The following UBAP2 variants were observed in gnomAD, a reference collection of about 807,000 sequenced individuals.
UBAP2 encodes the protein ubiquitin associated protein 2.
In UBAP2, 75 loss-of-function variants were observed where a neutral mutation model predicts 139.6. The observed-to-expected ratio is 0.54, with a 90% CI of 0.45 to 0.65. UBAP2 has a LOEUF of 0.65. Among genes scored for constraint, UBAP2 ranks in the 30% least tolerant of loss-of-function variants. UBAP2 has a pLI of 0.00. For synonymous variants in UBAP2, 526 were observed against 526.2 expected (o/e 1.00, Z 0.01); for missense variants, 1,368 against 1,369.6 (o/e 1.00, Z 0.02).
At chr9:33,977,193 C>T (rs1259207144) in intron 6 of UBAP2, among the ~76,000 whole-genome samples, 1 of 151,412 alleles carries the variant, frequency 6.6e-6, no homozygotes, top group Non-Finnish European at 1.5e-5. Flanking sequence ...TGCCTGCCAC[C>T]ACGCCTGGCT....
intron 8 of UBAP2, chr9:33,968,667 C>G (rs917541686): frequency 1.1e-5 from 3 of 271,296 alleles, no homozygotes; most frequent in Non-Finnish European, 2.2e-5. Flanking sequence ...ATGGATAATA[C>G]TAATTTCTAT....
chr9:34,021,858 T>G (rs1428340805), intron 1 of UBAP2, among the ~76,000 whole-genome samples: 1 of 152,116 alleles, frequency 6.6e-6, no homozygotes, highest in Non-Finnish European at 1.5e-5. Context: ...GGTTTCGAAC[T>G]CCAGACCTCG....
chr9:33,971,031 G>T (rs1440859975), intron 8 of UBAP2, among the ~76,000 whole-genome samples: 1 of 152,126 alleles, frequency 6.6e-6, no homozygotes, highest in Non-Finnish European at 1.5e-5. Flanking sequence ...TCGAACTCCT[G>T]ACCTCAAGTG....
intron 1 of UBAP2, among the ~76,000 whole-genome samples, chr9:34,021,184 G>C (rs1384500220): frequency 1.3e-5 from 2 of 152,114 alleles, no homozygotes; most frequent in Non-Finnish European, 2.9e-5. Context: ...ACCTATTTTA[G>C]CCAGAAAAGG....
chr9:34,022,182 T>C (rs1403662922), intron 1 of UBAP2, among the ~76,000 whole-genome samples: 1 of 148,534 alleles, frequency 6.7e-6, no homozygotes, highest in African/African-American at 2.5e-5. Flanking sequence ...GAGGAGGAGG[T>C]TGCAGTGAGC....
chr9:34,047,481 CAA>C (rs35056876), intron 1 of UBAP2, among the ~76,000 whole-genome samples: 19,294 of 152,102 alleles, frequency 0.13, 1,545 homozygotes, highest in African/African-American at 0.22. Flanking sequence ...GTATCATGTT[CAA>C]CTTCCTTCCA....
intron 22 of UBAP2, 112 bp from the exon 23 acceptor site, chr9:33,924,396 T>TG: frequency 2.8e-6 from 3 of 1,056,450 alleles, no homozygotes; most frequent in Non-Finnish European, 4.3e-6. Context: ...ACTCCATGCC[T>TG]GAGAGCCAGC....
At chr9:33,999,893 T>C (rs1025580864) in intron 2 of UBAP2, among the ~76,000 whole-genome samples, 8 of 75,108 alleles carry the variant, frequency 1.1e-4, no homozygotes, top group African/African-American at 3.0e-4. Context: ...TATGTATGTA[T>C]GTATGTATGT....
At chr9:33,927,108 T>C (rs1487269776) in intron 20 of UBAP2, 28 bp from the exon 21 acceptor site, 1 of 1,558,406 alleles carries the variant, frequency 6.4e-7, no homozygotes, top group Admixed American at 1.7e-5. Context: ...TCAAATGGAG[T>C]GAAATGGTCA....
intron 6 of UBAP2, among the ~76,000 whole-genome samples, chr9:33,974,134 G>A (rs1184368835): frequency 1.3e-5 from 2 of 152,148 alleles, no homozygotes; most frequent in African/African-American, 4.8e-5. Flanking sequence ...AGGTTGCAGT[G>A]AGGTATGATC....
chr9:33,995,617 T>TTATAAATAAA (rs1035753616), intron 4 of UBAP2: 5 of 141,226 alleles, frequency 3.5e-5, no homozygotes, highest in African/African-American at 1.3e-4. Flanking sequence ...AAATATATAT[T>TTATAAATAAA]TATAAATAAA....
chr9:33,994,628 A>G (rs1441724969), intron 4 of UBAP2: 1 of 152,014 alleles, frequency 6.6e-6, no homozygotes, highest in African/African-American at 2.4e-5. Flanking sequence ...GTAAACAAAA[A>G]CTATTCAAAA....
chr9:34,040,159 CA>C (rs113799738), intron 1 of UBAP2, among the ~76,000 whole-genome samples: 461 of 123,140 alleles, frequency 3.7e-3, no homozygotes, highest in Middle Eastern at 8.4e-3. Flanking sequence ...GACTCCGTCT[CA>C]AAAAAAAAAA....
intron 2 of UBAP2, among the ~76,000 whole-genome samples, chr9:34,000,799 G>C (rs1042880681): frequency 6.6e-6 from 1 of 152,172 alleles, no homozygotes; most frequent in African/African-American, 2.4e-5. Context: ...CAGGCCATGT[G>C]GGTGGGTGAT....
At position 33,923,807 on chromosome 9, in the gene UBAP2, G is replaced by T; in HGVS notation, c.2784C>A (p.Gly928=). 6.2e-7 allele frequency: 1 copy of T among 1,614,156 alleles called. No homozygotes were observed. ...YTGMPSAFQY[G]PTMFVPPASA... ...CTGAAATACTCACAAACATGGTGGGGCCATACTGGAAGGCACTGGGCATGC... is the reference window on the plus strand; with the variant it reads ...CTGAAATACTCACAAACATGGTGGGTCCATACTGGAAGGCACTGGGCATGC... Residue 928 remains glycine (G), a synonymous_variant, in exon 24 of 29, where the codon GGC becomes GGA. Coordinates refer to ENST00000379238, the MANE Select transcript of UBAP2 (RefSeq NM_001370062.2).
At chr9:33,978,425 T>C (rs982983650) in intron 6 of UBAP2, among the ~76,000 whole-genome samples, 1 of 152,118 alleles carries the variant, frequency 6.6e-6, no homozygotes, top group Admixed American at 6.6e-5. Context: ...GTGCTCAAAA[T>C]TACTTTGCAC....
In UBAP2 at chr9:33,971,647, T is replaced by C. The variant is rs1315564645; in HGVS notation, c.679+4A>G. 6.4e-7 allele frequency: 1 copy of C among 1,570,110 alleles called. No homozygotes were observed. Among genetic ancestry groups the C allele is most frequent in the Non-Finnish European group, 8.8e-7 (1 of 1,139,766 alleles). On this transcript the variant is annotated splice_donor_region_variant and intron_variant, in intron 8 of 28. Transcript: ENST00000379238. Reference sequence around the variant, plus strand: ...CTCATCTCTGGCAAAAACAGAACACTTACCAGTTCCCTCATCTGCACCATT... The same window carrying C: ...CTCATCTCTGGCAAAAACAGAACACCTACCAGTTCCCTCATCTGCACCATT...
intron 24 of UBAP2, 139 bp downstream of exon 24, chr9:33,923,656 C>A: frequency 9.2e-7 from 1 of 1,087,858 alleles, no homozygotes; most frequent in East Asian, 2.4e-5. Flanking sequence ...ACCTTGTCCC[C>A]AGCCTGAACA....
At chr9:34,047,871 G>A (rs1255305091) in intron 1 of UBAP2, among the ~76,000 whole-genome samples, 1 of 152,192 alleles carries the variant, frequency 6.6e-6, no homozygotes, top group East Asian at 1.9e-4. Flanking sequence ...TGGTGCTGTA[G>A]AAAGACAATA....
Sources: allele counts gnomAD v4.1 joint callset (sites outside exome capture counted in the v4.1 genomes callset), GRCh38; gene constraint gnomAD v4.1.1; transcripts MANE v1.5; gene names NCBI Gene and HGNC (gene_info 2026-07-23, HGNC 2026-07-21).